TUSC3: variants seen among roughly 807,000 people sequenced by gnomAD.
TUSC3 encodes the protein dolichyl-diphosphooligosaccharide--protein glycosyltransferase subunit TUSC3.
Under a neutral mutation model 44.8 loss-of-function variants are expected in TUSC3, and 45 were observed. The ratio of observed to expected loss-of-function variants is 1.00; its 90% CI spans 0.79 to 1.29. The LOEUF (loss-of-function observed/expected upper bound fraction) is 1.29. Among genes scored for constraint, TUSC3 ranks in the 50% most tolerant of loss-of-function variants. TUSC3 has a pLI of 0.00. For missense variants in TUSC3, 519 were observed against 437.9 expected, an observed-to-expected ratio of 1.19 and a Z score of -1.65; for synonymous variants, 212 against 152.9, an observed-to-expected ratio of 1.39 and a Z score of -2.85.
chr8:15,791,401 T>A, the TUSC3 span, among the ~76,000 whole-genome samples: 3 of 152,156 alleles, frequency 2.0e-5, no homozygotes, highest in African/African-American at 7.2e-5. Context: ...AGAGGCCCTA[T>A]GAGTTGTTTT....
intron 1 of TUSC3, among the ~76,000 whole-genome samples, chr8:15,463,613 C>G (rs1387744640): frequency 6.6e-6 from 1 of 151,998 alleles, no homozygotes; most frequent in South Asian, 2.1e-4. Flanking sequence ...TGTACTGAAA[C>G]AACTTTTTCA....
At chr8:15,807,360 CA>C in the TUSC3 span, 1 of 371,596 alleles carries the variant, frequency 2.7e-6, no homozygotes, top group South Asian at 2.9e-5. Context: ...ACCACAACAA[CA>C]ACAACAAAAC....
intron 1 of TUSC3, among the ~76,000 whole-genome samples, chr8:15,466,648 A>G (rs957147540): frequency 1.3e-5 from 2 of 152,186 alleles, no homozygotes; most frequent in Admixed American, 6.5e-5. Context: ...GAATGTCTCA[A>G]ATAATCTTTT....
rs182076070 is a variant in TUSC3 at position 15,529,691 on chromosome 8, G to T, written n.189+46208G>T. On this transcript the variant is annotated intron_variant and non_coding_transcript_variant, in intron 2 of 5. Coordinates refer to the TUSC3 transcript ENST00000503191. The stretch of plus-strand genomic sequence containing the variant: ...AAATGCCTAATATTTCCAGCCATTG[G>T]TTTTCAAACTGTGTTATTGGAGCAT... Among the ~76,000 whole-genome samples, 601 of 150,680 alleles carry T rather than the reference G, an allele frequency of 4.0e-3. 3 individuals carry two copies. Among genetic ancestry groups the T allele is most frequent in the Middle Eastern group, 0.024 (7 of 286 alleles).
intron 2 of TUSC3, among the ~76,000 whole-genome samples, chr8:15,533,535 T>TA (rs1257358363): frequency 6.6e-6 from 1 of 152,212 alleles, no homozygotes; most frequent in Non-Finnish European, 1.5e-5. Flanking sequence ...TACAAGGAAT[T>TA]TCCCTGTGGA....
intron 1 of TUSC3, among the ~76,000 whole-genome samples, chr8:15,451,838 G>T (rs1366822802): frequency 6.6e-6 from 1 of 152,058 alleles, no homozygotes; most frequent in African/African-American, 2.4e-5. Context: ...TCTAAGGAAA[G>T]TAGAAAATTG....
intron 1 of TUSC3, among the ~76,000 whole-genome samples, chr8:15,568,067 G>C (rs142306505): frequency 2.0e-5 from 3 of 152,004 alleles, no homozygotes; most frequent in African/African-American, 7.2e-5. Context: ...CTCTTGTCAC[G>C]ATTGGCACAA....
chr8:15,446,971 C>T (rs1035852703), intron 1 of TUSC3, among the ~76,000 whole-genome samples: 3 of 150,508 alleles, frequency 2.0e-5, no homozygotes, highest in Non-Finnish European at 4.4e-5. Flanking sequence ...TTCACACACC[C>T]AATGAAGAAT....
chr8:15,473,964 A>T (rs925348152), intron 1 of TUSC3, among the ~76,000 whole-genome samples: 2 of 152,028 alleles, frequency 1.3e-5, no homozygotes, highest in African/African-American at 4.8e-5. Flanking sequence ...ACTGCAGGAG[A>T]CCAGGGCGTA....
the TUSC3 span, among the ~76,000 whole-genome samples, chr8:15,801,854 A>T: frequency 6.6e-6 from 1 of 152,206 alleles, no homozygotes; most frequent in Admixed American, 6.5e-5. Flanking sequence ...TTGAATCAAC[A>T]AGGATCCTGA....
the TUSC3 span, among the ~76,000 whole-genome samples, chr8:15,840,291 G>T: frequency 6.6e-6 from 1 of 152,100 alleles, no homozygotes; most frequent in Non-Finnish European, 1.5e-5. Flanking sequence ...ATGAGTTAAT[G>T]GGTGCAGCAC....
At position 15,764,726 on chromosome 8, in the gene TUSC3, G is replaced by A. The variant is rs1196433813; in HGVS notation, c.*570G>A. The A allele has an allele frequency of 2.6e-5, 4 of 153,400 alleles. No homozygotes were observed. Among genetic ancestry groups the A allele is most frequent in the Non-Finnish European group, 5.8e-5 (4 of 68,880 alleles). 9.5% of individuals were successfully genotyped at this position (153,400 alleles called of 1,614,324 possible). A position where few individuals can be genotyped will look rare whatever the true frequency, so the allele number is the denominator to read the frequency against. ...AGGTATATAGGACAGGGAACTGGATGAATGGTACCTACAATTTGGATGCCT... is the reference window on the plus strand; with the variant it reads ...AGGTATATAGGACAGGGAACTGGATAAATGGTACCTACAATTTGGATGCCT... On this transcript the variant is annotated 3_prime_UTR_variant, in exon 11 of 11. Coordinates refer to ENST00000503731, the MANE Select transcript of TUSC3 (RefSeq NM_006765.4).
intron 1 of TUSC3, among the ~76,000 whole-genome samples, chr8:15,469,612 TC>T (rs1800458130): frequency 1.3e-5 from 2 of 152,182 alleles, no homozygotes; most frequent in South Asian, 4.1e-4. Flanking sequence ...TTAAACATAT[TC>T]TTACCATGTG....
intron 1 of TUSC3, among the ~76,000 whole-genome samples, chr8:15,470,146 G>A (rs567294755): frequency 1.5e-4 from 22 of 151,534 alleles, no homozygotes; most frequent in African/African-American, 5.1e-4. Flanking sequence ...ATGGTAGTGC[G>A]TGCCTGTAGT....
chr8:15,618,533 G>C (rs1364105112), intron 1 of TUSC3, among the ~76,000 whole-genome samples: 2 of 152,106 alleles, frequency 1.3e-5, no homozygotes, highest in Non-Finnish European at 2.9e-5. Flanking sequence ...TTGTCCCACT[G>C]GGGGGTCTTC....
At chr8:15,813,781 G>T in the TUSC3 span, among the ~76,000 whole-genome samples, 1 of 150,050 alleles carries the variant, frequency 6.7e-6, no homozygotes, top group East Asian at 2.0e-4. Context: ...TTTTTTTTTA[G>T]CCATTCAGTG....
At chr8:15,460,546 A>C (rs951705788) in intron 1 of TUSC3, among the ~76,000 whole-genome samples, 1 of 151,986 alleles carries the variant, frequency 6.6e-6, no homozygotes, top group Non-Finnish European at 1.5e-5. Flanking sequence ...TGTCCCAGCT[A>C]TTTATCTCTG....
intron 1 of TUSC3, among the ~76,000 whole-genome samples, chr8:15,607,253 T>C (rs1804570836): frequency 6.6e-6 from 1 of 152,112 alleles, no homozygotes; most frequent in Admixed American, 6.6e-5. Flanking sequence ...TACACAAATA[T>C]TTATTTAATG....
intron 1 of TUSC3, among the ~76,000 whole-genome samples, chr8:15,568,319 G>A (rs1427726563): frequency 6.6e-6 from 1 of 152,126 alleles, no homozygotes; most frequent in Non-Finnish European, 1.5e-5. Context: ...TGCCATCAAT[G>A]CAGAAATAAA....
Sources: gnomAD v4.1 joint callset for allele counts (sites outside exome capture counted in the v4.1 genomes callset) on GRCh38, gnomAD v4.1.1 for gene constraint, MANE v1.5 for transcripts, NCBI Gene and HGNC (gene_info 2026-07-23, HGNC 2026-07-21) for gene names.